The following MYRIP variants were observed in gnomAD, a reference collection of about 807,000 sequenced individuals.
MYRIP encodes myosin VIIA and Rab interacting protein, also known as rab effector MyRIP.
Under a neutral mutation model 98.0 loss-of-function variants are expected in MYRIP, and 49 were observed. That is an observed-to-expected ratio of 0.50 (90% CI 0.40 to 0.63). MYRIP has a LOEUF of 0.63. Among genes scored for constraint, MYRIP ranks in the 30% least tolerant of loss-of-function variants. MYRIP has a pLI of 0.00. For synonymous variants in MYRIP, 404 were observed against 409.5 expected (o/e 0.99, Z 0.16); for missense variants, 1,004 against 1,058.2 (o/e 0.95, Z 0.71).
intron 3 of MYRIP, among the ~76,000 whole-genome samples, chr3:40,126,442 C>T (rs1949527301): frequency 6.6e-6 from 1 of 152,080 alleles, no homozygotes; most frequent in Non-Finnish European, 1.5e-5. Flanking sequence ...TACATCCTTT[C>T]AAAAAGGAAT....
intron 2 of MYRIP, among the ~76,000 whole-genome samples, chr3:39,992,696 C>A (rs1946209117): frequency 6.6e-6 from 1 of 152,208 alleles, no homozygotes; most frequent in African/African-American, 2.4e-5. Flanking sequence ...CACAGCATCC[C>A]TTCAGTGACC....
chr3:39,815,818 T>C (rs190797954), intron 1 of MYRIP, among the ~76,000 whole-genome samples: 1 of 152,190 alleles, frequency 6.6e-6, no homozygotes, highest in Admixed American at 6.5e-5. Flanking sequence ...AGTATGGTGG[T>C]TACTTTAGGT....
intron 1 of MYRIP, among the ~76,000 whole-genome samples, chr3:39,866,824 A>G (rs1942642224): frequency 6.6e-6 from 1 of 152,196 alleles, no homozygotes; most frequent in South Asian, 2.1e-4. Context: ...AATAGAGAAA[A>G]ACTTTTAAAC....
chr3:39,824,882 A>T (rs1283284766), intron 1 of MYRIP, among the ~76,000 whole-genome samples: 1 of 151,942 alleles, frequency 6.6e-6, no homozygotes, highest in Admixed American at 6.6e-5. Context: ...CATCTGGCTA[A>T]TTTTTTAAAA....
intron 2 of MYRIP, among the ~76,000 whole-genome samples, chr3:39,973,238 C>A (rs1945645279): frequency 6.6e-6 from 1 of 152,024 alleles, no homozygotes; most frequent in African/African-American, 2.4e-5. Flanking sequence ...CAAAAAAAGA[C>A]AGGGGCTGTA....
chr3:40,017,258 T>G (rs935087191), intron 2 of MYRIP, among the ~76,000 whole-genome samples: 1 of 152,224 alleles, frequency 6.6e-6, no homozygotes, highest in Non-Finnish European at 1.5e-5. Flanking sequence ...TGTATCTAGA[T>G]GTGCCCTCAG....
chr3:39,819,503 C>T (rs959245102), intron 1 of MYRIP, among the ~76,000 whole-genome samples: 3 of 152,226 alleles, frequency 2.0e-5, no homozygotes, highest in Non-Finnish European at 4.4e-5. Flanking sequence ...CCCTGTCTCA[C>T]CCATCCTAGG....
intron 5 of MYRIP, among the ~76,000 whole-genome samples, chr3:40,163,943 C>T (rs1194129901): frequency 1.3e-5 from 2 of 152,122 alleles, no homozygotes; most frequent in Non-Finnish European, 2.9e-5. Context: ...TACCACACAC[C>T]ATTGTATGAC....
intron 1 of MYRIP, among the ~76,000 whole-genome samples, chr3:39,825,047 T>A (rs945100357): frequency 1.3e-5 from 2 of 152,216 alleles, no homozygotes; most frequent in Non-Finnish European, 2.9e-5. Context: ...TTGTTGATGT[T>A]GTATACTACA....
chr3:40,220,494 T>C (rs1250935020), intron 11 of MYRIP, among the ~76,000 whole-genome samples: 1 of 152,196 alleles, frequency 6.6e-6, no homozygotes, highest in East Asian at 1.9e-4. Flanking sequence ...CTTTAATCCA[T>C]ATGACTGCAT....
intron 11 of MYRIP, among the ~76,000 whole-genome samples, chr3:40,217,630 C>G (rs1431854180): frequency 6.6e-6 from 1 of 152,076 alleles, no homozygotes; most frequent in Non-Finnish European, 1.5e-5. Context: ...TGACTGGTAG[C>G]CTTTTGGGGA....
intron 10 of MYRIP, among the ~76,000 whole-genome samples, chr3:40,205,803 A>ATT (rs11426045): frequency 4.3e-4 from 63 of 147,284 alleles, no homozygotes; most frequent in African/African-American, 1.5e-3. Context: ...GTAGAAGAGC[A>ATT]TTTTTTTTTT....
chr3:40,115,452 C>T (rs1050617201), intron 3 of MYRIP, among the ~76,000 whole-genome samples: 4 of 152,112 alleles, frequency 2.6e-5, no homozygotes, highest in African/African-American at 4.8e-5. Context: ...AAATGCCAGA[C>T]GCTTACAAAA....
intron 2 of MYRIP, among the ~76,000 whole-genome samples, chr3:39,999,163 C>A (rs1269686987): frequency 5.3e-5 from 8 of 152,224 alleles, no homozygotes; most frequent in Middle Eastern, 3.4e-3. Context: ...GCAACAAAAG[C>A]CAAAATTGAC....
chr3:39,998,353 T>A lies in MYRIP; in HGVS notation c.111-45697T>A, dbSNP rs541203555. Among the ~76,000 whole-genome samples, 25 of 152,290 alleles carry A rather than the reference T, an allele frequency of 1.6e-4. No individual in the cohort carries two copies. The East Asian group carries it at 3.3e-3, about 20-fold the overall frequency. On this transcript the variant is annotated intron_variant, in intron 2 of 16. Transcript: ENST00000302541. Reference sequence around the variant, plus strand: ...GCAAAGTCTCAGGATACAAAATCAATCTGCAAAAATCACAAGCATTCTTAT... The same window carrying A: ...GCAAAGTCTCAGGATACAAAATCAAACTGCAAAAATCACAAGCATTCTTAT...
At chr3:40,069,751 A>G (rs566476315) in intron 3 of MYRIP, among the ~76,000 whole-genome samples, 7 of 152,248 alleles carry the variant, frequency 4.6e-5, no homozygotes, top group East Asian at 3.9e-4. Flanking sequence ...GTTTTATGGA[A>G]GACAGTTTTC....
intron 2 of MYRIP, among the ~76,000 whole-genome samples, chr3:39,977,517 C>T (rs1282999266): frequency 6.6e-6 from 1 of 152,190 alleles, no homozygotes; most frequent in African/African-American, 2.4e-5. Context: ...CCAGGCAAAA[C>T]TCACTCCGAC....
chr3:40,194,824 G>A (rs1250815377), intron 10 of MYRIP, among the ~76,000 whole-genome samples: 1 of 151,966 alleles, frequency 6.6e-6, no homozygotes, highest in Non-Finnish European at 1.5e-5. Flanking sequence ...TATTGTAAAT[G>A]AGATTTTATT....
chr3:39,904,490 C>T (rs1051417876), intron 2 of MYRIP, among the ~76,000 whole-genome samples: 2 of 152,166 alleles, frequency 1.3e-5, no homozygotes, highest in Non-Finnish European at 2.9e-5. Context: ...CCCACCTCGG[C>T]CTCCCAAAGT....
Sources: gnomAD v4.1 joint callset for allele counts (sites outside exome capture counted in the v4.1 genomes callset) on GRCh38, gnomAD v4.1.1 for gene constraint, MANE v1.5 for transcripts, NCBI Gene and HGNC (gene_info 2026-07-23, HGNC 2026-07-21) for gene names.